The following CNTN5 variants were observed in gnomAD, a reference collection of about 807,000 sequenced individuals.
CNTN5 encodes the protein contactin 5, also known as contactin-5.
Under a neutral mutation model 129.1 loss-of-function variants are expected in CNTN5, and 77 were observed. The observed-to-expected ratio is 0.60, with a 90% CI of 0.50 to 0.72. The LOEUF (loss-of-function observed/expected upper bound fraction) is 0.72. Ranked by LOEUF, CNTN5 falls within the 30% of genes least tolerant of loss-of-function variation. CNTN5 has a pLI of 0.00. For missense variants in CNTN5, 1,478 were observed against 1,328.8 expected (o/e 1.11, Z -1.75); for synonymous variants, 509 against 465.6 (o/e 1.09, Z -1.20).
At chr11:99,574,140 G>C (rs138574360) in intron 3 of CNTN5, among the ~76,000 whole-genome samples, 2 of 152,238 alleles carry the variant, frequency 1.3e-5, no homozygotes, top group African/African-American at 4.8e-5. Flanking sequence ...TCACTTATGA[G>C]TGAGAACGTG....
At chr11:99,179,208 A>G (rs1468921020) in intron 1 of CNTN5, among the ~76,000 whole-genome samples, 1 of 152,130 alleles carries the variant, frequency 6.6e-6, no homozygotes, top group Non-Finnish European at 1.5e-5. Context: ...TCGGGGGGCC[A>G]AGGGAGGTAG....
intron 8 of CNTN5, among the ~76,000 whole-genome samples, chr11:99,998,232 A>G (rs536869769): frequency 1.6e-3 from 244 of 152,210 alleles, no homozygotes; most frequent in Middle Eastern, 6.8e-3. Flanking sequence ...TTTGCAGACG[A>G]CATGATTGCA....
At chr11:100,058,901 GCATTTAGGA>G (rs1943351060) in intron 9 of CNTN5, among the ~76,000 whole-genome samples, 1 of 152,134 alleles carries the variant, frequency 6.6e-6, no homozygotes, top group African/African-American at 2.4e-5. Context: ...TGAAGAGGAG[GCATTTAGGA>G]CAGGTCTCAG....
intron 7 of CNTN5, among the ~76,000 whole-genome samples, chr11:99,951,378 T>G (rs771570048): frequency 4.2e-4 from 64 of 152,152 alleles, no homozygotes; most frequent in Non-Finnish European, 1.9e-4. Flanking sequence ...TTTGCATATT[T>G]CACTACTACT....
intron 21 of CNTN5, among the ~76,000 whole-genome samples, chr11:100,324,076 A>G (rs1164705451): frequency 6.6e-6 from 1 of 152,216 alleles, no homozygotes; most frequent in Non-Finnish European, 1.5e-5. Flanking sequence ...AAAAGGAAGA[A>G]GCTTAGGAAA....
chr11:99,827,945 C>T (rs1280881825), intron 4 of CNTN5, among the ~76,000 whole-genome samples: 1 of 152,060 alleles, frequency 6.6e-6, no homozygotes, highest in Admixed American at 6.6e-5. Flanking sequence ...CAGAGATGTA[C>T]TTTTTACATT....
chr11:99,389,498 T>C (rs908024170), intron 2 of CNTN5, among the ~76,000 whole-genome samples: 14 of 152,198 alleles, frequency 9.2e-5, no homozygotes, highest in African/African-American at 2.9e-4. Flanking sequence ...AACTTTAACT[T>C]TGCAGATAAT....
At chr11:100,319,153 CTTTTT>C (rs1291858718) in intron 21 of CNTN5, among the ~76,000 whole-genome samples, 2 of 137,408 alleles carry the variant, frequency 1.5e-5, no homozygotes, top group East Asian at 2.1e-4. Flanking sequence ...TTTTTCTTTT[CTTTTT>C]TTTTTTTTTT....
chr11:100,139,708 AC>A, intron 13 of CNTN5, among the ~76,000 whole-genome samples: 1 of 152,220 alleles, frequency 6.6e-6, no homozygotes, highest in African/African-American at 2.4e-5. Context: ...TACTGAAAAT[AC>A]AAAAATTAGC....
chr11:99,217,395 G>T (rs1860186035), intron 1 of CNTN5, among the ~76,000 whole-genome samples: 1 of 152,262 alleles, frequency 6.6e-6, no homozygotes, highest in Non-Finnish European at 1.5e-5. Context: ...TCTCACCTCA[G>T]TTAAGTTGAC....
chr11:100,052,231 T>C (rs972453213), intron 9 of CNTN5, among the ~76,000 whole-genome samples: 37 of 151,906 alleles, frequency 2.4e-4, no homozygotes, highest in African/African-American at 8.4e-4. Context: ...CTTTCTCATC[T>C]AGGAAAAATA....
At chr11:99,840,013 T>C (rs931662909) in intron 4 of CNTN5, among the ~76,000 whole-genome samples, 7 of 152,066 alleles carry the variant, frequency 4.6e-5, no homozygotes, top group Admixed American at 4.6e-4. Flanking sequence ...TCGTACAAGA[T>C]GACTACACCA....
intron 8 of CNTN5, among the ~76,000 whole-genome samples, chr11:99,969,263 A>C (rs1196705049): frequency 6.6e-6 from 1 of 152,138 alleles, no homozygotes; most frequent in Non-Finnish European, 1.5e-5. Flanking sequence ...TATCTAACTT[A>C]GTCTTTTTCT....
At chr11:100,269,092 C>A (rs1950359991) in intron 17 of CNTN5, among the ~76,000 whole-genome samples, 3 of 152,116 alleles carry the variant, frequency 2.0e-5, no homozygotes. Context: ...AAAACGAAAT[C>A]AGCAATGGAG....
intron 8 of CNTN5, among the ~76,000 whole-genome samples, chr11:99,996,083 C>G (rs930601808): frequency 3.3e-5 from 5 of 152,234 alleles, no homozygotes; most frequent in Admixed American, 1.3e-4. Context: ...TTTTCTTTTA[C>G]TGACATTGCC....
At chr11:100,025,682 G>T (rs1591075675) in intron 9 of CNTN5, among the ~76,000 whole-genome samples, 1 of 152,224 alleles carries the variant, frequency 6.6e-6, no homozygotes, top group Non-Finnish European at 1.5e-5. Flanking sequence ...TGACCTGGAA[G>T]TGAGATACAG....
At chr11:99,408,434 AAG>A (rs753689349) in intron 2 of CNTN5, among the ~76,000 whole-genome samples, 2 of 72,970 alleles carry the variant, frequency 2.7e-5, no homozygotes, top group African/African-American at 1.2e-4. Flanking sequence ...AAGAAAAAGA[AAG>A]AAAGAAAGAA....
At chr11:100,260,762 C>T (rs1950178747) in intron 17 of CNTN5, among the ~76,000 whole-genome samples, 1 of 152,154 alleles carries the variant, frequency 6.6e-6, no homozygotes, top group Non-Finnish European at 1.5e-5. Context: ...ATGCTAAAAA[C>T]TCTCAATGAA....
chr11:99,266,832 A>T (rs996245218), intron 1 of CNTN5, among the ~76,000 whole-genome samples: 1 of 152,186 alleles, frequency 6.6e-6, no homozygotes, highest in East Asian at 1.9e-4. Flanking sequence ...GGATGATGGG[A>T]GAAGCCATTT....
Sources: allele counts gnomAD v4.1 joint callset (sites outside exome capture counted in the v4.1 genomes callset), GRCh38; gene constraint gnomAD v4.1.1; transcripts MANE v1.5; gene names NCBI Gene and HGNC (gene_info 2026-07-23, HGNC 2026-07-21).